ITGAX: variants seen among roughly 807,000 people sequenced by gnomAD.
ITGAX encodes the protein integrin alpha-X.
ITGAX carries 99 observed loss-of-function variants against 140.2 expected under a neutral mutation model. That is an observed-to-expected ratio of 0.71 (90% CI 0.60 to 0.83). ITGAX has a LOEUF of 0.83. Ranked by LOEUF, ITGAX falls within the 40% of genes least tolerant of loss-of-function variation. The pLI, the probability that ITGAX is intolerant of heterozygous loss-of-function variation, is 0.00. For missense variants in ITGAX, 1,444 were observed against 1,482.0 expected (o/e 0.97, Z 0.42); for synonymous variants, 631 against 600.4 (o/e 1.05, Z -0.75).
At chr16:31,359,223 C>T (rs1443404609) in intron 5 of ITGAX, among the ~76,000 whole-genome samples, 4 of 152,060 alleles carry the variant, frequency 2.6e-5, no homozygotes, top group African/African-American at 9.7e-5. Context: ...GGTTGGAGTG[C>T]TGTGGTGCGA....
intron 17 of ITGAX, among the ~76,000 whole-genome samples, chr16:31,372,085 G>A (rs1293025471): frequency 3.3e-5 from 5 of 151,950 alleles, no homozygotes; most frequent in African/African-American, 4.8e-5. Flanking sequence ...GGGGTTTATC[G>A]AGCTGCTCCT....
chr16:31,376,042 G>T (rs2081016171), intron 20 of ITGAX, among the ~76,000 whole-genome samples: 1 of 152,162 alleles, frequency 6.6e-6, no homozygotes, highest in South Asian at 2.1e-4. Flanking sequence ...TCTATTGGTG[G>T]TATACACTGA....
Position 31,377,226 on chromosome 16 carries a change from A to C in ITGAX, c.2750A>C (p.Glu917Ala). ...ACCAGCAAGACCACCTTCCAGCTGG[A>C]GCTCCCGGTGAAGTATGCTGTCTAC... is the stretch of plus-strand genomic sequence containing the variant. ...PRTSKTTFQL[E>A]LPVKYAVYTV... The change falls in exon 23 of 30, where the codon GAG becomes GCG. Residue 917 changes from glutamate to alanine, a missense_variant. Coordinates refer to ENST00000268296, the MANE Select transcript of ITGAX (RefSeq NM_000887.5). The C allele has an allele frequency of 1.2e-6, 2 of 1,613,216 alleles. No homozygotes were observed. The highest frequency in any genetic ancestry group is 1.7e-6 in the Non-Finnish European group (2 of 1,179,914).
In ITGAX at chr16:31,382,731, G is replaced by A; in HGVS notation, c.*824G>A. Reference sequence around the variant, plus strand: ...CTGGCCTCCCGCGTTGGGCAACATTGCTGGCTGGAAGGGAGGAGCGCCCTC... The same window carrying A: ...CTGGCCTCCCGCGTTGGGCAACATTACTGGCTGGAAGGGAGGAGCGCCCTC... On this transcript the variant is annotated 3_prime_UTR_variant, in exon 30 of 30. Coordinates refer to ENST00000268296, the MANE Select transcript of ITGAX (RefSeq NM_000887.5). The A allele has an allele frequency of 1.8e-6, 1 of 541,918 alleles. No individual in the cohort carries two copies. The highest frequency in any genetic ancestry group is 3.3e-6 in the Non-Finnish European group (1 of 302,582). 33.6% of individuals were successfully genotyped at this position (541,918 alleles called of 1,614,324 possible). A position where few individuals can be genotyped will look rare whatever the true frequency, so the allele number is the denominator to read the frequency against.
intron 28 of ITGAX, 118 bp downstream of exon 28, chr16:31,380,742 G>T: frequency 7.3e-7 from 1 of 1,369,640 alleles, no homozygotes; most frequent in Non-Finnish European, 1.0e-6. Context: ...CCTCTGGGCA[G>T]GATAGCTGTC....
At position 31,363,214 on chromosome 16, in the gene ITGAX, C is replaced by A. The variant is rs2230429; in HGVS notation, c.1550C>A (p.Pro517His). 4 of 1,612,770 alleles carry A rather than the reference C, an allele frequency of 2.5e-6. No homozygotes were observed. The highest frequency in any genetic ancestry group is 3.4e-6 in the Non-Finnish European group (4 of 1,179,486). The change falls in exon 14 of 30, where the codon CCC (proline) becomes CAC (histidine). Residue 517 changes from proline (P) to histidine (H), a missense_variant. Transcript: ENST00000268296. Reference protein sequence around the residue: ...DAVLYGEQGHPWGRFGAALTV... With the variant: ...DAVLYGEQGHHWGRFGAALTV... ...GTTCTCTACGGGGAGCAGGGCCACCCCTGGGGTCGCTTTGGGGCGGCTCTG... is the reference window on the plus strand; with the variant it reads ...GTTCTCTACGGGGAGCAGGGCCACCACTGGGGTCGCTTTGGGGCGGCTCTG...
In ITGAX at chr16:31,371,793, G is replaced by A. The variant is rs1309781928; in HGVS notation, c.2160+9G>A. On this transcript the variant is annotated intron_variant, in intron 17 of 29. Transcript: ENST00000268296. ...TCAACCTGCTGCTCCCGGTGCGTCT[G>A]GGCATGAACGTGGGTGGCGGCCGCG... 6.2e-7 allele frequency: 1 copy of A among 1,613,256 alleles called. No homozygotes were observed. The highest frequency in any genetic ancestry group is 8.5e-7 in the Non-Finnish European group (1 of 1,179,680).
In ITGAX at chr16:31,382,714, C is replaced by A. The variant is rs1317936705; in HGVS notation, c.*807C>A. The A allele has an allele frequency of 5.4e-6, 3 of 552,654 alleles. No individual in the cohort carries two copies. Among genetic ancestry groups the A allele is most frequent in the Middle Eastern group, 9.2e-4 (2 of 2,180 alleles). The allele number at this position is 552,654 out of a possible 1,614,324, so 34.2% of individuals were successfully genotyped here. ...TGCTGGGTTCTGCACAGCTGGCCTC[C>A]CGCGTTGGGCAACATTGCTGGCTGG... On this transcript the variant is annotated 3_prime_UTR_variant, in exon 30 of 30. Coordinates refer to ENST00000268296, the MANE Select transcript of ITGAX (RefSeq NM_000887.5).
chr16:31,377,243 G>A lies in ITGAX; in HGVS notation c.2767G>A (p.Ala923Thr), dbSNP rs1471375131. 6.2e-7 allele frequency: 1 copy of A among 1,613,428 alleles called. No homozygotes were observed. Among genetic ancestry groups the A allele is most frequent in the South Asian group, 1.1e-5 (1 of 91,060 alleles). Reference sequence around the variant, plus strand: ...CCAGCTGGAGCTCCCGGTGAAGTATGCTGTCTACACTGTGGTTAGCAGGTC... The same window carrying A: ...CCAGCTGGAGCTCCCGGTGAAGTATACTGTCTACACTGTGGTTAGCAGGTC... ...TFQLELPVKY[A>T]VYTVVSSHEQ... The change falls in exon 23 of 30, where the codon GCT (alanine) becomes ACT (threonine). Residue 923 changes from alanine (A) to threonine (T), a missense_variant. Coordinates refer to ENST00000268296, the MANE Select transcript of ITGAX (RefSeq NM_000887.5).
intron 17 of ITGAX, among the ~76,000 whole-genome samples, chr16:31,372,102 C>T (rs777124982): frequency 2.0e-5 from 3 of 150,822 alleles, no homozygotes; most frequent in Non-Finnish European, 3.0e-5. Flanking sequence ...TCCTGGGAGA[C>T]AGGCCTTGCC....
At chr16:31,357,738 C>T (rs552238216) in intron 5 of ITGAX, 1 of 440,926 alleles carries the variant, frequency 2.3e-6, no homozygotes, top group African/African-American at 2.0e-5. Flanking sequence ...CTATTTTCAT[C>T]CAATGGGTCC....
Position 31,382,879 on chromosome 16 carries a change from AT to A in ITGAX, c.*979del, listed in dbSNP as rs1171202413. ...CCTGAAAAAATGCCAAGACATGATTATTTTTTTAAAAAGCGTACTTTAAATG... is the reference window on the plus strand; with the variant it reads ...CCTGAAAAAATGCCAAGACATGATTATTTTTTAAAAAGCGTACTTTAAATG... On this transcript the variant is annotated 3_prime_UTR_variant, in exon 30 of 30. Coordinates refer to ENST00000268296, the MANE Select transcript of ITGAX (RefSeq NM_000887.5). 1.0e-5 allele frequency: 2 copies of A among 195,410 alleles called. No individual in the cohort carries two copies. The highest frequency in any genetic ancestry group is 1.3e-4 in the East Asian group (1 of 7,666). The allele number at this position is 195,410 out of a possible 1,614,324, so 12.1% of individuals were successfully genotyped here.
At chr16:31,364,412 G>A (rs1470061366) in intron 14 of ITGAX, among the ~76,000 whole-genome samples, 3 of 117,208 alleles carry the variant, frequency 2.6e-5, no homozygotes, top group African/African-American at 1.0e-4. Flanking sequence ...AGGTGAAAGA[G>A]CACAATCCCG....
chr16:31,371,490 T>G lies in ITGAX; in HGVS notation c.1998T>G (p.Leu666=). The G allele has an allele frequency of 6.2e-7, 1 of 1,613,874 alleles. No individual in the cohort carries two copies. The highest frequency in any genetic ancestry group is 8.5e-7 in the Non-Finnish European group (1 of 1,179,802). The change falls in exon 16 of 30, where the codon CTT becomes CTG. Residue 666 remains leucine (L), a synonymous_variant. Coordinates refer to ENST00000268296, the MANE Select transcript of ITGAX (RefSeq NM_000887.5). ...LYIDKRSKNL[L]GSRDLQSSVT... ...TTGACAAACGTTCTAAGAACCTGCT[T>G]GGGAGCCGTGAGTCCCCTCCCCTCC... is the stretch of plus-strand genomic sequence containing the variant.
At chr16:31,366,761 C>T (rs1178295502) in intron 14 of ITGAX, among the ~76,000 whole-genome samples, 1 of 152,210 alleles carries the variant, frequency 6.6e-6, no homozygotes, top group Admixed American at 6.5e-5. Flanking sequence ...AGTGATCTGC[C>T]TGCCTTGGCC....
chr16:31,381,797 C>T lies in ITGAX; in HGVS notation c.3388-6C>T, dbSNP rs200270436. 2 of 872,280 alleles carry T rather than the reference C, an allele frequency of 2.3e-6. No homozygotes were observed. The highest frequency in any genetic ancestry group is 1.3e-5 in the South Asian group (1 of 76,528). 54.0% of individuals were successfully genotyped at this position (872,280 alleles called of 1,614,324 possible). ...TCCTGAGTTTCTTCTTCGTCCTCCC[C>T]CCTAGGTTGGCTTCTTCAAGCGTCA... On this transcript the variant is annotated splice_polypyrimidine_tract_variant and splice_region_variant and intron_variant, in intron 29 of 29. Coordinates refer to ENST00000268296, the MANE Select transcript of ITGAX (RefSeq NM_000887.5).
At position 31,356,791 on chromosome 16, in the gene ITGAX, C is replaced by G. The variant is rs908307828; in HGVS notation, c.247+63C>G. 3 of 1,216,432 alleles carry G rather than the reference C, an allele frequency of 2.5e-6. No individual in the cohort carries two copies. The South Asian group carries it at 3.9e-5, about 16-fold the overall frequency. 75.4% of individuals were successfully genotyped at this position (1,216,432 alleles called of 1,614,324 possible). On this transcript the variant is annotated intron_variant, in intron 3 of 29. Coordinates refer to ENST00000268296, the MANE Select transcript of ITGAX (RefSeq NM_000887.5). ...CCCAGGCTTCCCTGCTCCAGGGGCC[C>G]GTGGACTCACCGGAGTGTCACTTTC...
chr16:31,372,521 C>A lies in ITGAX; in HGVS notation c.2292+12C>A. 1 of 1,611,354 alleles carries A rather than the reference C, an allele frequency of 6.2e-7. No individual in the cohort carries two copies. Among genetic ancestry groups the A allele is most frequent in the South Asian group, 1.1e-5 (1 of 90,928 alleles). On this transcript the variant is annotated intron_variant, in intron 18 of 29. Coordinates refer to ENST00000268296, the MANE Select transcript of ITGAX (RefSeq NM_000887.5). ...ACTTCACGGCCTCCGTGAGTCCTGG[C>A]ACTGGGTCTCCCAGAGAGGGTGCAC... is the stretch of plus-strand genomic sequence containing the variant.
intron 29 of ITGAX, 55 bp downstream of exon 29, chr16:31,381,062 CA>C: frequency 7.0e-7 from 1 of 1,425,616 alleles, no homozygotes; most frequent in Non-Finnish European, 9.9e-7. Context: ...GCTCTTTTTG[CA>C]GAGTGAGAAG....
Sources: allele counts gnomAD v4.1 joint callset (sites outside exome capture counted in the v4.1 genomes callset), GRCh38; gene constraint gnomAD v4.1.1; transcripts MANE v1.5; gene names NCBI Gene and HGNC (gene_info 2026-07-23, HGNC 2026-07-21).